The following TFCP2 variants were observed in gnomAD, a reference collection of about 807,000 sequenced individuals.
TFCP2 encodes the protein alpha-globin transcription factor CP2.
TFCP2 carries 33 observed loss-of-function variants against 73.4 expected under a neutral mutation model. That is an observed-to-expected ratio of 0.45 (90% CI 0.34 to 0.60). The LOEUF is 0.60. Among genes scored for constraint, TFCP2 ranks in the 20% least tolerant of loss-of-function variants. TFCP2 has a pLI of 0.01. For missense variants in TFCP2, 352 were observed against 604.0 expected, an observed-to-expected ratio of 0.58 and a Z score of 4.37; for synonymous variants, 193 against 211.6, an observed-to-expected ratio of 0.91 and a Z score of 0.76.
chr12:51,142,431 T>G (rs1332274408), intron 1 of TFCP2, among the ~76,000 whole-genome samples: 1 of 151,880 alleles, frequency 6.6e-6, no homozygotes, highest in Non-Finnish European at 1.5e-5. Context: ...ATTAATTAAA[T>G]CTCTCATACA....
At chr12:51,164,856 TATA>T (rs1358829060) in intron 1 of TFCP2, among the ~76,000 whole-genome samples, 3 of 151,950 alleles carry the variant, frequency 2.0e-5, no homozygotes, top group Non-Finnish European at 4.4e-5. Flanking sequence ...TCAACAAACC[TATA>T]ATAAGAGATT....
At chr12:51,096,906 G>C (rs1486608703) in intron 13 of TFCP2, among the ~76,000 whole-genome samples, 1 of 151,884 alleles carries the variant, frequency 6.6e-6, no homozygotes, top group Admixed American at 6.6e-5. Flanking sequence ...TACAGGTAGG[G>C]AACGAAACAA....
At chr12:51,157,681 C>CTTTTTTTTTTTTT (rs770963610) in intron 1 of TFCP2, among the ~76,000 whole-genome samples, 2 of 77,288 alleles carry the variant, frequency 2.6e-5, no homozygotes, top group African/African-American at 4.6e-5. Context: ...TTTTTCTTTT[C>CTTTTTTTTTTTTT]TTTTCTTTTT....
chr12:51,151,062 T>TA (rs1162493246), intron 1 of TFCP2, among the ~76,000 whole-genome samples: 1 of 152,098 alleles, frequency 6.6e-6, no homozygotes, highest in East Asian at 1.9e-4. Context: ...GCCTCTCTGA[T>TA]AAAAAGACAT....
intron 1 of TFCP2, among the ~76,000 whole-genome samples, chr12:51,157,210 C>T (rs1255949838): frequency 5.9e-5 from 9 of 151,824 alleles, no homozygotes; most frequent in Non-Finnish European, 1.3e-4. Flanking sequence ...TTAGTGGAGA[C>T]GGGGTTTCAC....
At chr12:51,154,667 C>T (rs1941500370) in intron 1 of TFCP2, among the ~76,000 whole-genome samples, 1 of 152,138 alleles carries the variant, frequency 6.6e-6, no homozygotes, top group Admixed American at 6.6e-5. Flanking sequence ...GCACTCCAGC[C>T]TAGGTGACAC....
chr12:51,168,410 GAATA>G (rs1941795964), intron 1 of TFCP2, among the ~76,000 whole-genome samples: 1 of 151,956 alleles, frequency 6.6e-6, no homozygotes, highest in South Asian at 2.1e-4. Context: ...CAACTCTAAT[GAATA>G]AATAATCAGA....
At chr12:51,154,306 T>C (rs1042329149) in intron 1 of TFCP2, among the ~76,000 whole-genome samples, 8 of 152,192 alleles carry the variant, frequency 5.3e-5, no homozygotes, top group African/African-American at 1.9e-4. Flanking sequence ...TTTTCCTATA[T>C]ATGTATATCC....
At position 51,094,716 on chromosome 12, in the gene TFCP2, G is replaced by A. The variant is rs1421882694; in HGVS notation, c.*525C>T. The stretch of plus-strand genomic sequence containing the variant: ...AATACTATTAGTTGTGGTATTACAG[G>A]GGAACCAAAAGGAAAATTCTGTATT... On this transcript the variant is annotated 3_prime_UTR_variant, in exon 15 of 15. Coordinates refer to ENST00000257915, the MANE Select transcript of TFCP2 (RefSeq NM_005653.5). 2 of 153,248 alleles carry A rather than the reference G, an allele frequency of 1.3e-5. No homozygotes were observed. Among genetic ancestry groups the A allele is most frequent in the African/African-American group, 4.8e-5 (2 of 41,412 alleles). The allele number at this position is 153,248 out of a possible 1,614,324, so 9.5% of individuals were successfully genotyped here. A position where few individuals can be genotyped will look rare whatever the true frequency, so the allele number is the denominator to read the frequency against.
Position 51,106,545 on chromosome 12 carries a change from G to A in TFCP2, c.897C>T (p.Ser299=). 3 of 1,613,046 alleles carry A rather than the reference G, an allele frequency of 1.9e-6. No homozygotes were observed. The highest frequency in any genetic ancestry group is 2.5e-6 in the Non-Finnish European group (3 of 1,179,566). ...SPSPGFNSSH[S]SFSLGEGNGS... ...CTTACCCTTCCCCAAGAGAAAAACT[G>A]CTATGGGAACTGTTGAAGCCAGGTG... Residue 299 remains serine (S), a synonymous_variant, in exon 8 of 15, where the codon AGC becomes AGT. Coordinates refer to ENST00000257915, the MANE Select transcript of TFCP2 (RefSeq NM_005653.5).
At chr12:51,100,245 T>C (rs1044337471) in intron 11 of TFCP2, among the ~76,000 whole-genome samples, 4 of 152,320 alleles carry the variant, frequency 2.6e-5, no homozygotes, top group Middle Eastern at 3.4e-3. Flanking sequence ...GTTCAAGATA[T>C]ACTTTTTACT....
At chr12:51,129,514 CAAAA>C (rs5798159) in intron 1 of TFCP2, among the ~76,000 whole-genome samples, 2 of 126,224 alleles carry the variant, frequency 1.6e-5, no homozygotes, top group South Asian at 2.6e-4. Flanking sequence ...GACCCCGTCT[CAAAA>C]AAAAAAAAAA....
At chr12:51,098,972 G>A (rs1306402323) in intron 12 of TFCP2, 54 bp from the exon 13 acceptor site, 2 of 1,585,096 alleles carry the variant, frequency 1.3e-6, no homozygotes, top group Non-Finnish European at 1.7e-6. Context: ...CACTCTTACA[G>A]GTAACTTGAT....
intron 6 of TFCP2, among the ~76,000 whole-genome samples, chr12:51,108,420 A>T (rs1470781326): frequency 6.6e-6 from 1 of 152,156 alleles, no homozygotes; most frequent in African/African-American, 2.4e-5. Context: ...GTTGCTATGA[A>T]TACCTCTGTA....
intron 9 of TFCP2, 84 bp from the exon 10 acceptor site, chr12:51,103,847 C>T (rs1039738982): frequency 9.5e-7 from 1 of 1,047,332 alleles, no homozygotes; most frequent in African/African-American, 1.6e-5. Context: ...ACACCCCACA[C>T]AACCCCATAC....
intron 1 of TFCP2, among the ~76,000 whole-genome samples, chr12:51,135,812 T>A (rs1200559830): frequency 6.6e-6 from 1 of 152,050 alleles, no homozygotes; most frequent in Non-Finnish European, 1.5e-5. Context: ...TCTTGAAACA[T>A]TACCACAAAG....
chr12:51,114,358 C>A lies in TFCP2; in HGVS notation c.457+1957G>T, dbSNP rs536169675. On this transcript the variant is annotated intron_variant, in intron 4 of 14. Coordinates refer to ENST00000257915, the MANE Select transcript of TFCP2 (RefSeq NM_005653.5). The stretch of plus-strand genomic sequence containing the variant: ...CCTTGGCTCACACCTGTAATCCCAG[C>A]GCTTTGGGAGGCCAAGGCGGGTGGA... Among the ~76,000 whole-genome samples, 145 of 152,288 alleles carry A rather than the reference C, an allele frequency of 9.5e-4. 1 individual carries two copies. Among genetic ancestry groups the A allele is most frequent in the Non-Finnish European group, 1.8e-3 (125 of 68,030 alleles).
At chr12:51,117,182 A>C (rs1029897573) in intron 3 of TFCP2, among the ~76,000 whole-genome samples, 1 of 152,026 alleles carries the variant, frequency 6.6e-6, no homozygotes, top group Admixed American at 6.6e-5. Flanking sequence ...TGTTACTCTT[A>C]CTTTGTAGAA....
intron 7 of TFCP2, 76 bp from the exon 8 acceptor site, chr12:51,106,689 A>C: frequency 9.1e-7 from 1 of 1,102,866 alleles, no homozygotes; most frequent in South Asian, 1.3e-5. Flanking sequence ...TGTTACTTGA[A>C]TAGCACATCT....
Sources: gnomAD v4.1 joint callset for allele counts (sites outside exome capture counted in the v4.1 genomes callset) on GRCh38, gnomAD v4.1.1 for gene constraint, MANE v1.5 for transcripts, NCBI Gene and HGNC (gene_info 2026-07-23, HGNC 2026-07-21) for gene names.